IPCEF1: variants seen among roughly 807,000 people sequenced by gnomAD.
The protein encoded by IPCEF1 is interactor protein for cytohesin exchange factors 1.
Under a neutral mutation model 50.9 loss-of-function variants are expected in IPCEF1, and 31 were observed. The observed-to-expected ratio is 0.61, with a 90% confidence interval of 0.46 to 0.82. The LOEUF is 0.82. Ranked by LOEUF, IPCEF1 falls within the 40% of genes least tolerant of loss-of-function variation. The pLI is 0.00. For missense variants in IPCEF1, 458 were observed against 514.0 expected (o/e 0.89, Z 1.05); for synonymous variants, 181 against 192.0 (o/e 0.94, Z 0.47).
chr6:154,162,697 T>A lies in IPCEF1; in HGVS notation c.1105-2657A>T, dbSNP rs572690105. Among the ~76,000 whole-genome samples, 5 of 123,612 alleles carry A rather than the reference T, an allele frequency of 4.0e-5. No individual in the cohort carries two copies. The East Asian group carries it at 1.1e-3, about 27-fold the overall frequency. 81.1% of individuals were successfully genotyped at this position (123,612 alleles called of 152,430 possible). On this transcript the variant is annotated intron_variant, in intron 11 of 11. Coordinates refer to ENST00000367220, the MANE Select transcript of IPCEF1 (RefSeq NM_001130700.2). ...AAGCCCCAGCTTGTATCCTGTTCTC[T>A]GCTCTATCTATGTTCATGCTGTTGG...
chr6:154,348,439 C>G (rs1234626861), intron 1 of IPCEF1, among the ~76,000 whole-genome samples: 1 of 152,202 alleles, frequency 6.6e-6, no homozygotes, highest in Non-Finnish European at 1.5e-5. Context: ...AGAGGCAATA[C>G]TAATTCACAC....
At chr6:154,236,187 A>G (rs1158556879) in intron 5 of IPCEF1, among the ~76,000 whole-genome samples, 1 of 152,250 alleles carries the variant, frequency 6.6e-6, no homozygotes, top group Non-Finnish European at 1.5e-5. Flanking sequence ...AATGTGGTAC[A>G]CACATCAAGG....
At chr6:154,316,975 T>A (rs1783235956) in intron 1 of IPCEF1, among the ~76,000 whole-genome samples, 1 of 152,132 alleles carries the variant, frequency 6.6e-6, no homozygotes, top group Non-Finnish European at 1.5e-5. Flanking sequence ...AATTCCTACC[T>A]CATAGACCTA....
At chr6:154,201,273 T>A (rs551175164) in intron 9 of IPCEF1, among the ~76,000 whole-genome samples, 4 of 152,376 alleles carry the variant, frequency 2.6e-5, no homozygotes, top group Admixed American at 2.0e-4. Context: ...ACTTCATTTA[T>A]TCTGAGATTT....
chr6:154,182,063 T>A (rs1001427999), intron 10 of IPCEF1, among the ~76,000 whole-genome samples: 1 of 152,010 alleles, frequency 6.6e-6, no homozygotes, highest in Admixed American at 6.6e-5. Context: ...TAAATTAAAA[T>A]TTTTAAAAAA....
intron 2 of IPCEF1, among the ~76,000 whole-genome samples, chr6:154,268,864 ACT>A (rs920909132): frequency 6.6e-6 from 1 of 150,460 alleles, no homozygotes; most frequent in Admixed American, 6.6e-5. Flanking sequence ...TAATTTTTCA[ACT>A]CTCTGACAGA....
chr6:154,317,106 A>T (rs933705048), intron 1 of IPCEF1, among the ~76,000 whole-genome samples: 1 of 152,182 alleles, frequency 6.6e-6, no homozygotes, highest in Non-Finnish European at 1.5e-5. Context: ...AAAAGAAAAA[A>T]ATTCTAATCA....
chr6:154,224,844 A>G (rs1779133325), intron 5 of IPCEF1, among the ~76,000 whole-genome samples: 1 of 152,218 alleles, frequency 6.6e-6, no homozygotes, highest in Non-Finnish European at 1.5e-5. Context: ...TATTATATAT[A>G]TGCAGCTTCT....
chr6:154,306,201 T>C (rs977302259), intron 1 of IPCEF1, among the ~76,000 whole-genome samples: 1 of 152,186 alleles, frequency 6.6e-6, no homozygotes, highest in African/African-American at 2.4e-5. Flanking sequence ...GCTTGGCTTC[T>C]CATAATTTAC....
At chr6:154,256,298 T>G (rs1037437806) in intron 3 of IPCEF1, among the ~76,000 whole-genome samples, 2 of 152,190 alleles carry the variant, frequency 1.3e-5, no homozygotes, top group Non-Finnish European at 2.9e-5. Context: ...ATCTCATTCA[T>G]CAGGGTGAAG....
At chr6:154,296,458 G>A (rs756491723) in intron 1 of IPCEF1, among the ~76,000 whole-genome samples, 2 of 152,114 alleles carry the variant, frequency 1.3e-5, no homozygotes, top group Non-Finnish European at 2.9e-5. Context: ...ATTCATTTTT[G>A]GCAACTACCA....
intron 11 of IPCEF1, among the ~76,000 whole-genome samples, chr6:154,161,215 A>ATTT (rs778278528): frequency 1.5e-5 from 2 of 133,848 alleles, no homozygotes; most frequent in Non-Finnish European, 3.2e-5. Context: ...TTTTCTTTTC[A>ATTT]TTTTTTTTTT....
At chr6:154,281,723 C>T (rs763908479) in intron 2 of IPCEF1, among the ~76,000 whole-genome samples, 3 of 152,148 alleles carry the variant, frequency 2.0e-5, no homozygotes, top group Non-Finnish European at 2.9e-5. Flanking sequence ...AGCCTGGAGG[C>T]CGGGCACTGT....
In IPCEF1 at chr6:154,168,365, G is replaced by GT. The variant is rs571839818; in HGVS notation, c.911-253dup. On this transcript the variant is annotated intron_variant, in intron 10 of 11. Coordinates refer to ENST00000367220, the MANE Select transcript of IPCEF1 (RefSeq NM_001130700.2). This position sits in a 1 kb window ranked among gnomAD's most constrained non-coding sequence, Gnocchi z 4.1. Reference sequence around the variant, plus strand: ...CAAGCCTCTCTCCTGGCTTCAAGTGGTTTTTTGGTTTGTGGCAGTATAACT... The same window carrying GT: ...CAAGCCTCTCTCCTGGCTTCAAGTGGTTTTTTTGGTTTGTGGCAGTATAACT... 2.8e-4 allele frequency among the ~76,000 whole-genome samples: 42 copies of GT among 152,088 alleles called. No homozygotes were observed. Among genetic ancestry groups the GT allele is most frequent in the Non-Finnish European group, 4.7e-4 (32 of 68,026 alleles).
intron 1 of IPCEF1, among the ~76,000 whole-genome samples, chr6:154,302,420 A>C (rs1412394658): frequency 6.6e-6 from 1 of 152,054 alleles, no homozygotes; most frequent in Non-Finnish European, 1.5e-5. Context: ...TCTGCCTCCC[A>C]CTAGCTGTAG....
chr6:154,252,137 A>C (rs1781351390), intron 3 of IPCEF1, among the ~76,000 whole-genome samples: 1 of 152,232 alleles, frequency 6.6e-6, no homozygotes, highest in Non-Finnish European at 1.5e-5. Context: ...TAAAGAGTAG[A>C]AGTCTCATGT....
chr6:154,221,823 G>A (rs1054104164), intron 6 of IPCEF1, among the ~76,000 whole-genome samples: 3 of 152,120 alleles, frequency 2.0e-5, no homozygotes, highest in African/African-American at 7.2e-5. Context: ...GCAGTGAGCC[G>A]AGATCATGCC....
chr6:154,253,154 C>T (rs1781378225), intron 3 of IPCEF1, among the ~76,000 whole-genome samples: 1 of 152,088 alleles, frequency 6.6e-6, no homozygotes, highest in African/African-American at 2.4e-5. Context: ...CCTCACATTA[C>T]ACTAACTTGA....
chr6:154,336,856 G>C (rs893007859), intron 1 of IPCEF1, among the ~76,000 whole-genome samples: 1 of 151,978 alleles, frequency 6.6e-6, no homozygotes, highest in Non-Finnish European at 1.5e-5. Flanking sequence ...CTCCCACCTC[G>C]GTCTCCCAAA....
Sources: allele counts gnomAD v4.1 joint callset (sites outside exome capture counted in the v4.1 genomes callset), GRCh38; gene constraint gnomAD v4.1.1; non-coding constraint Gnocchi (gnomAD v3.1); transcripts MANE v1.5; gene names NCBI Gene and HGNC (gene_info 2026-07-23, HGNC 2026-07-21).